Variants in TMCC1 observed in about 807,000 individuals in gnomAD.
The protein encoded by TMCC1 is transmembrane and coiled-coil domain family 1, also known as transmembrane and coiled-coil domains protein 1.
In TMCC1, 15 loss-of-function variants were observed where a neutral mutation model predicts 52.4. The observed-to-expected ratio is 0.29, with a 90% CI of 0.19 to 0.44. The LOEUF is 0.44. TMCC1 is among the 20% of genes least tolerant of loss of function. The pLI is 1.00. For synonymous variants in TMCC1, 279 were observed against 301.9 expected (o/e 0.92, Z 0.79); for missense variants, 503 against 806.0 (o/e 0.62, Z 4.55).
At chr3:129,835,512 A>G (rs888090814) in intron 2 of TMCC1, among the ~76,000 whole-genome samples, 1 of 152,186 alleles carries the variant, frequency 6.6e-6, no homozygotes, top group Admixed American at 6.5e-5. Flanking sequence ...AGCAATAATA[A>G]CGTGTGATGA....
intron 4 of TMCC1, among the ~76,000 whole-genome samples, chr3:129,723,361 T>C (rs2049789625): frequency 1.7e-5 from 1 of 59,400 alleles, no homozygotes; most frequent in Non-Finnish European, 2.5e-5. Context: ...AATCTTTTTC[T>C]TTTTTTTTTT....
intron 4 of TMCC1, among the ~76,000 whole-genome samples, chr3:129,798,414 C>T (rs1328786840): frequency 6.7e-6 from 1 of 149,692 alleles, no homozygotes; most frequent in African/African-American, 2.5e-5. Flanking sequence ...AATACTGATG[C>T]GGAAATAATG....
chr3:129,846,204 A>G (rs977014535), intron 2 of TMCC1, among the ~76,000 whole-genome samples: 4 of 152,046 alleles, frequency 2.6e-5, no homozygotes, highest in African/African-American at 9.7e-5. Context: ...CTGTAATCCC[A>G]GCACTTTGGG....
chr3:129,658,513 G>C (rs1560127157), intron 5 of TMCC1, among the ~76,000 whole-genome samples: 1 of 152,208 alleles, frequency 6.6e-6, no homozygotes, highest in Non-Finnish European at 1.5e-5. Context: ...ATAATTCCCA[G>C]GACTGGGGCC....
At chr3:129,822,860 ATCT>A (rs1232783999) in intron 4 of TMCC1, among the ~76,000 whole-genome samples, 2 of 152,156 alleles carry the variant, frequency 1.3e-5, no homozygotes, top group Non-Finnish European at 2.9e-5. Flanking sequence ...GCAGCCAGTG[ATCT>A]TCTGACTAGA....
At chr3:129,657,782 T>G (rs1235198440) in intron 5 of TMCC1, among the ~76,000 whole-genome samples, 1 of 152,112 alleles carries the variant, frequency 6.6e-6, no homozygotes, top group Non-Finnish European at 1.5e-5. Flanking sequence ...CATGGAGAAA[T>G]CTAAACCCTC....
intron 4 of TMCC1, among the ~76,000 whole-genome samples, chr3:129,721,975 T>C (rs886097127): frequency 2.6e-5 from 4 of 152,254 alleles, no homozygotes; most frequent in South Asian, 2.1e-4. Flanking sequence ...TAGATTGTTA[T>C]ATTAAAAGTT....
intron 4 of TMCC1, among the ~76,000 whole-genome samples, chr3:129,785,681 C>T (rs2107736385): frequency 6.6e-6 from 1 of 152,058 alleles, no homozygotes; most frequent in South Asian, 2.1e-4. Context: ...AATTAGAAGA[C>T]AGTGAAAGAA....
intron 2 of TMCC1, among the ~76,000 whole-genome samples, chr3:129,840,526 G>A (rs2059377509): frequency 6.6e-6 from 1 of 152,174 alleles, no homozygotes. Context: ...CAAGGATAAA[G>A]AGGAGTGATC....
intron 4 of TMCC1, among the ~76,000 whole-genome samples, chr3:129,783,834 A>T (rs567554316): frequency 2.7e-3 from 408 of 152,352 alleles, no homozygotes; most frequent in Middle Eastern, 0.014. Context: ...CACACCAAAA[A>T]GATGAAGTTA....
At chr3:129,851,033 A>G (rs1450248296) in intron 2 of TMCC1, among the ~76,000 whole-genome samples, 1 of 152,242 alleles carries the variant, frequency 6.6e-6, no homozygotes, top group Non-Finnish European at 1.5e-5. Context: ...CATCATGAAC[A>G]TGTCACAGTG....
At chr3:129,883,158 C>A (rs528736185) in intron 1 of TMCC1, among the ~76,000 whole-genome samples, 1 of 143,830 alleles carries the variant, frequency 7.0e-6, no homozygotes, top group African/African-American at 2.7e-5. Flanking sequence ...CACACACACA[C>A]AAAATTAGCC....
intron 1 of TMCC1, among the ~76,000 whole-genome samples, chr3:129,890,577 G>A (rs534081660): frequency 2.6e-5 from 4 of 152,304 alleles, no homozygotes; most frequent in African/African-American, 9.6e-5. Context: ...ACCCTGCATG[G>A]AAACAGGAAC....
chr3:129,738,974 G>C (rs1238983216), intron 4 of TMCC1, among the ~76,000 whole-genome samples: 2 of 150,740 alleles, frequency 1.3e-5, no homozygotes, highest in South Asian at 4.2e-4. Context: ...GCGCCACCAC[G>C]CCCAGCTAAT....
At chr3:129,711,422 A>C (rs556344693) in intron 4 of TMCC1, among the ~76,000 whole-genome samples, 2 of 152,350 alleles carry the variant, frequency 1.3e-5, no homozygotes, top group African/African-American at 4.8e-5. Flanking sequence ...GTACAACCAG[A>C]GATTAATATC....
In TMCC1 at chr3:129,880,509, G is replaced by C; in HGVS notation, c.-384C>G. 1 of 152,214 alleles carries C rather than the reference G, an allele frequency of 6.6e-6. No homozygotes were observed. Among genetic ancestry groups the C allele is most frequent in the Non-Finnish European group, 1.5e-5 (1 of 68,048 alleles). The allele number at this position is 152,214 out of a possible 1,614,324, so 9.4% of individuals were successfully genotyped here. On this transcript the variant is annotated 5_prime_UTR_variant, in exon 2 of 7. Transcript: ENST00000393238. Reference sequence around the variant, plus strand: ...AAAGGCAACTGTTCACCGAGCGTCAGCATCTGAAGAAAGTGCTAACTGTGG... The same window carrying C: ...AAAGGCAACTGTTCACCGAGCGTCACCATCTGAAGAAAGTGCTAACTGTGG...
At chr3:129,799,740 A>G (rs1000441434) in intron 4 of TMCC1, among the ~76,000 whole-genome samples, 3 of 152,088 alleles carry the variant, frequency 2.0e-5, no homozygotes, top group African/African-American at 7.2e-5. Flanking sequence ...TGAACCCGGG[A>G]GGCGGAGCTT....
intron 4 of TMCC1, among the ~76,000 whole-genome samples, chr3:129,763,741 G>A (rs911388058): frequency 2.0e-5 from 3 of 151,184 alleles, no homozygotes; most frequent in Admixed American, 1.3e-4. Flanking sequence ...AAGGAGAATC[G>A]CTTGAACCCA....
intron 2 of TMCC1, among the ~76,000 whole-genome samples, chr3:129,879,805 T>C (rs1416907876): frequency 6.6e-6 from 1 of 152,198 alleles, no homozygotes; most frequent in African/African-American, 2.4e-5. Context: ...TAAGCTTTCC[T>C]AAACCATCCA....
Sources: allele counts gnomAD v4.1 joint callset (sites outside exome capture counted in the v4.1 genomes callset), GRCh38; gene constraint gnomAD v4.1.1; transcripts MANE v1.5; gene names NCBI Gene and HGNC (gene_info 2026-07-23, HGNC 2026-07-21).